SYDE1: variants seen among roughly 807,000 people sequenced by gnomAD.
The protein encoded by SYDE1 is rho GTPase-activating protein SYDE1.
A neutral mutation model predicts 63.3 loss-of-function variants in SYDE1; 34 were observed. That is an observed-to-expected ratio of 0.54 (90% CI 0.41 to 0.71). The LOEUF (loss-of-function observed/expected upper bound fraction) is 0.71. SYDE1 is among the 30% of genes least tolerant of loss of function. SYDE1 has a pLI of 0.00. For missense variants in SYDE1, 925 were observed against 1,042.5 expected (o/e 0.89, Z 1.55); for synonymous variants, 467 against 473.4 (o/e 0.99, Z 0.18).
Position 15,111,719 on chromosome 19 carries a change from AC to A in SYDE1, c.1511del (p.Pro504GlnfsTer26). On this transcript the variant is annotated frameshift_variant, in exon 6 of 8. Coordinates refer to ENST00000342784, the MANE Select transcript of SYDE1 (RefSeq NM_033025.6). LOFTEE classifies it high-confidence loss of function. The surrounding 1 kb of genome is among the most constrained non-coding windows in gnomAD (Gnocchi z 5.5). Reference sequence around the variant, plus strand: ...GTGGTACTGGAGGCCATGGCCCGGGACCCCCCAAACAGAGTTCCCCCCACCA... The same window carrying A: ...GTGGTACTGGAGGCCATGGCCCGGGACCCCCAAACAGAGTTCCCCCCACCA... ...YKVVLEAMARDPPNRVPPTTE... is the reference protein window; with the variant it reads ...YKVVLEAMARXPPNRVPPTTE... The A allele has an allele frequency of 2.0e-6, 2 of 1,002,838 alleles. No homozygotes were observed. The highest frequency in any genetic ancestry group is 1.5e-6 in the Non-Finnish European group (1 of 681,914). The allele number at this position is 1,002,838 out of a possible 1,614,324, so 62.1% of individuals were successfully genotyped here.
rs1452698631 is a variant in SYDE1, at chr19:15,109,946, C to T, written c.673C>T (p.Pro225Ser). The T allele has an allele frequency of 1.4e-6, 2 of 1,464,276 alleles. No homozygotes were observed. The highest frequency in any genetic ancestry group is 3.0e-5 in the African/African-American group (2 of 67,766). The allele number at this position is 1,464,276 out of a possible 1,614,324, so 90.7% of individuals were successfully genotyped here. The change falls in exon 3 of 8, where the codon CCG becomes TCG. Residue 225 changes from proline (P) to serine (S), a missense_variant. Coordinates refer to ENST00000342784, the MANE Select transcript of SYDE1 (RefSeq NM_033025.6). The surrounding 1 kb of genome is among the most constrained non-coding windows in gnomAD (Gnocchi z 5.0). ...PAAGPGGTRSPRAGYLSDGDS... is the reference protein window; with the variant it reads ...PAAGPGGTRSSRAGYLSDGDS... Reference sequence around the variant, plus strand: ...AGCAGGGCCTGGGGGCACCCGGAGCCCGAGGGCCGGTTACCTCAGCGACGG... The same window carrying T: ...AGCAGGGCCTGGGGGCACCCGGAGCTCGAGGGCCGGTTACCTCAGCGACGG...
Position 15,109,515 on chromosome 19 carries a change from C to A in SYDE1, c.430+118C>A. The A allele has an allele frequency of 7.9e-7, 1 of 1,265,622 alleles. No homozygotes were observed. Among genetic ancestry groups the A allele is most frequent in the Non-Finnish European group, 1.1e-6 (1 of 936,352 alleles). 78.4% of individuals were successfully genotyped at this position (1,265,622 alleles called of 1,614,324 possible). On this transcript the variant is annotated intron_variant, in intron 2 of 7. Coordinates refer to ENST00000342784, the MANE Select transcript of SYDE1 (RefSeq NM_033025.6). The surrounding 1 kb of genome is among the most constrained non-coding windows in gnomAD (Gnocchi z 5.0). ...CCAGAGGAGCACCAACCTCACACTCCTTCCCTTCAGGGGAGCACCAGCCTC... is the reference window on the plus strand; with the variant it reads ...CCAGAGGAGCACCAACCTCACACTCATTCCCTTCAGGGGAGCACCAGCCTC...
At position 15,110,265 on chromosome 19, in the gene SYDE1, C is replaced by G; in HGVS notation, c.992C>G (p.Ala331Gly). The G allele has an allele frequency of 7.1e-7, 1 of 1,417,898 alleles. No individual in the cohort carries two copies. Among genetic ancestry groups the G allele is most frequent in the Non-Finnish European group, 9.2e-7 (1 of 1,088,824 alleles). 87.8% of individuals were successfully genotyped at this position (1,417,898 alleles called of 1,614,324 possible). ...CTGGAGGCCGCCAGGCTCCTGCGCGCCCTGGTGCTTGCGTGGGACCCTGGC... is the reference window on the plus strand; with the variant it reads ...CTGGAGGCCGCCAGGCTCCTGCGCGGCCTGGTGCTTGCGTGGGACCCTGGC... ...LELEAARLLRALVLAWDPGVR... is the reference protein window; with the variant it reads ...LELEAARLLRGLVLAWDPGVR... The change falls in exon 3 of 8, where the codon GCC (alanine) becomes GGC (glycine). Residue 331 changes from alanine (A) to glycine (G), a missense_variant. This residue lies in a region of SYDE1 where 599 missense variants were observed against 653.7 expected (regional missense o/e 0.92). Coordinates refer to ENST00000342784, the MANE Select transcript of SYDE1 (RefSeq NM_033025.6). This position sits in a 1 kb window ranked among gnomAD's most constrained non-coding sequence, Gnocchi z 6.9.
Position 15,107,414 on chromosome 19 carries a change from G to C in SYDE1, c.-20G>C, listed in dbSNP as rs548701237. On this transcript the variant is annotated 5_prime_UTR_variant, in exon 1 of 8. Coordinates refer to ENST00000342784, the MANE Select transcript of SYDE1 (RefSeq NM_033025.6). ...GGAGCCCGGGGCGCGCACTCGGCTC[G>C]GCCCGGCCCGGGCCGCAGCATGGCC... 28 of 1,197,644 alleles carry C rather than the reference G, an allele frequency of 2.3e-5. No individual in the cohort carries two copies. Among genetic ancestry groups the C allele is most frequent in the Admixed American group, 1.3e-4 (4 of 30,836 alleles). The allele number at this position is 1,197,644 out of a possible 1,614,324, so 74.2% of individuals were successfully genotyped here.
chr19:15,109,646 C>G lies in SYDE1; in HGVS notation c.431-58C>G. 1 of 1,072,004 alleles carries G rather than the reference C, an allele frequency of 9.3e-7. No individual in the cohort carries two copies. Among genetic ancestry groups the G allele is most frequent in the Non-Finnish European group, 1.3e-6 (1 of 765,386 alleles). The allele number at this position is 1,072,004 out of a possible 1,614,324, so 66.4% of individuals were successfully genotyped here. The stretch of plus-strand genomic sequence containing the variant: ...CTCCTTCCCTTCAGGGGAGCACCAG[C>G]CTCACCCCCCTCCCCTAAGCCCAGG... On this transcript the variant is annotated intron_variant, in intron 2 of 7. Coordinates refer to ENST00000342784, the MANE Select transcript of SYDE1 (RefSeq NM_033025.6). This position sits in a 1 kb window ranked among gnomAD's most constrained non-coding sequence, Gnocchi z 5.0.
Position 15,113,829 on chromosome 19 carries a change from G to A in SYDE1, c.2074G>A (p.Glu692Lys). The change falls in exon 8 of 8, where the codon GAG (glutamate) becomes AAG (lysine). Residue 692 changes from glutamate (E) to lysine (K), a missense_variant. Around this residue, in one of 3 missense-constraint regions of SYDE1, gnomAD observed 255 missense variants for 255.9 expected, o/e 1.00. Coordinates refer to ENST00000342784, the MANE Select transcript of SYDE1 (RefSeq NM_033025.6). ...CGAGGACGAGGACGAGGAGGTCGGC[G>A]AGCCGAGGGTCACCGGTGACTTCGA... ...DSEDEDEEVG[E>K]PRVTGDFEDD... 2 of 1,614,190 alleles carry A rather than the reference G, an allele frequency of 1.2e-6. No homozygotes were observed. The highest frequency in any genetic ancestry group is 2.2e-5 in the South Asian group (2 of 91,090).
Position 15,114,022 on chromosome 19 carries a change from G to A in SYDE1, c.*59G>A. The A allele has an allele frequency of 6.6e-7, 1 of 1,522,434 alleles. No individual in the cohort carries two copies. Among genetic ancestry groups the A allele is most frequent in the Non-Finnish European group, 8.9e-7 (1 of 1,126,304 alleles). The allele number at this position is 1,522,434 out of a possible 1,614,324, so 94.3% of individuals were successfully genotyped here. The stretch of plus-strand genomic sequence containing the variant: ...GACCGGGCGCCCAGTGGCTAAGGCG[G>A]TGCCCTGGTGACCAAGGAGAGCCAG... On this transcript the variant is annotated 3_prime_UTR_variant, in exon 8 of 8. Transcript: ENST00000342784.
chr19:15,109,647 C>A lies in SYDE1; in HGVS notation c.431-57C>A. 1.8e-6 allele frequency: 2 copies of A among 1,094,460 alleles called. No homozygotes were observed. The highest frequency in any genetic ancestry group is 1.6e-5 in the South Asian group (1 of 60,966). 67.8% of individuals were successfully genotyped at this position (1,094,460 alleles called of 1,614,324 possible). A position where few individuals can be genotyped will look rare whatever the true frequency, so the allele number is the denominator to read the frequency against. On this transcript the variant is annotated intron_variant, in intron 2 of 7. Transcript: ENST00000342784. This position sits in a 1 kb window ranked among gnomAD's most constrained non-coding sequence, Gnocchi z 5.0. Reference sequence around the variant, plus strand: ...TCCTTCCCTTCAGGGGAGCACCAGCCTCACCCCCCTCCCCTAAGCCCAGGT... The same window carrying A: ...TCCTTCCCTTCAGGGGAGCACCAGCATCACCCCCCTCCCCTAAGCCCAGGT...
chr19:15,110,706 G>C lies in SYDE1; in HGVS notation c.1261G>C (p.Val421Leu), dbSNP rs1239698803. The change falls in exon 4 of 8, where the codon GTT (valine) becomes CTT (leucine). Residue 421 changes from valine (V) to leucine (L), a missense_variant. Coordinates refer to ENST00000342784, the MANE Select transcript of SYDE1 (RefSeq NM_033025.6). The surrounding 1 kb of genome is among the most constrained non-coding windows in gnomAD (Gnocchi z 6.9). ...GGTGCCCCTCATCATCCAGAAGTGC[G>C]TTGGGCAGATCGAGCGCCGAGGGCT... ...GQVPLIIQKC[V>L]GQIERRGLRV... 2.5e-6 allele frequency: 4 copies of C among 1,577,266 alleles called. No homozygotes were observed. In the Admixed American group the frequency reaches 5.4e-5, roughly 21 times the overall value.
At position 15,113,710 on chromosome 19, in the gene SYDE1, C is replaced by G; in HGVS notation, c.1955C>G (p.Ala652Gly). ...GPESPPSNRY[A>G]GDWSVCGRDF... ...GAAAGCCCCCCGAGCAACCGCTACG[C>G]CGGCGACTGGAGCGTTTGCGGGCGG... The change falls in exon 8 of 8, where the codon GCC becomes GGC. Residue 652 changes from alanine to glycine, a missense_variant. By Grantham distance (60) the Ala-to-Gly change is moderately conservative. Transcript: ENST00000342784. 1 of 1,613,556 alleles carries G rather than the reference C, an allele frequency of 6.2e-7. No homozygotes were observed. Among genetic ancestry groups the G allele is most frequent in the Non-Finnish European group, 8.5e-7 (1 of 1,179,842 alleles).
In SYDE1 at chr19:15,110,423, G is replaced by C. The variant is rs955093094; in HGVS notation, c.1075+75G>C. The C allele has an allele frequency of 6.8e-7, 1 of 1,472,816 alleles. No homozygotes were observed. The highest frequency in any genetic ancestry group is 9.0e-7 in the Non-Finnish European group (1 of 1,108,112). The allele number at this position is 1,472,816 out of a possible 1,614,324, so 91.2% of individuals were successfully genotyped here. A position where few individuals can be genotyped will look rare whatever the true frequency, so the allele number is the denominator to read the frequency against. On this transcript the variant is annotated intron_variant, in intron 3 of 7. Transcript: ENST00000342784. The surrounding 1 kb of genome is among the most constrained non-coding windows in gnomAD (Gnocchi z 6.9). ...CCGCCACCCCCCGCAGAGTGCCTAGGGGGCTGGGCTCCGGGCGGAAGGTGT... is the reference window on the plus strand; with the variant it reads ...CCGCCACCCCCCGCAGAGTGCCTAGCGGGCTGGGCTCCGGGCGGAAGGTGT...
At position 15,114,799 on chromosome 19, in the gene SYDE1, G is replaced by A; in HGVS notation, c.*836G>A. 3.7e-6 allele frequency: 1 copy of A among 271,294 alleles called. No individual in the cohort carries two copies. Among genetic ancestry groups the A allele is most frequent in the Non-Finnish European group, 7.2e-6 (1 of 138,376 alleles). The allele number at this position is 271,294 out of a possible 1,614,324, so 16.8% of individuals were successfully genotyped here. ...GACACGTCTGAAGCAGGCGTGTGGG[G>A]CTCTTTCAGGGACCACAGAGGAGGG... On this transcript the variant is annotated 3_prime_UTR_variant, in exon 8 of 8. Transcript: ENST00000342784.
rs984953523 is a variant in SYDE1, at chr19:15,108,004, G to T, written c.88+483G>T. Among the ~76,000 whole-genome samples, 2 of 152,150 alleles carry T rather than the reference G, an allele frequency of 1.3e-5. No homozygotes were observed. Among genetic ancestry groups the T allele is most frequent in the African/African-American group, 4.8e-5 (2 of 41,426 alleles). On this transcript the variant is annotated intron_variant, in intron 1 of 7. Coordinates refer to ENST00000342784, the MANE Select transcript of SYDE1 (RefSeq NM_033025.6). This position sits in a 1 kb window ranked among gnomAD's most constrained non-coding sequence, Gnocchi z 4.3. ...CCGCCTCCCACCTACTAACAGTGAC[G>T]GCAACTGCGCCTGCCTTAGCCCCAG...
intron 7 of SYDE1, among the ~76,000 whole-genome samples, chr19:15,113,194 C>A (rs1349127182): frequency 6.6e-6 from 1 of 151,958 alleles, no homozygotes; most frequent in East Asian, 1.9e-4. Flanking sequence ...CATGCACTAC[C>A]AATCCTAGCT....
chr19:15,112,446 T>C lies in SYDE1; in HGVS notation c.1679T>C (p.Val560Ala), dbSNP rs775763724. The C allele has an allele frequency of 1.2e-6, 2 of 1,602,966 alleles. No individual in the cohort carries two copies. Among genetic ancestry groups the C allele is most frequent in the Non-Finnish European group, 1.7e-6 (2 of 1,175,262 alleles). ...AACTTGGCCGTGTGCTTCGGGCCTG[T>C]GCTGCTGCCGGCACGCCAGGCGCCC... Reference protein sequence around the residue: ...PQNLAVCFGPVLLPARQAPTR... With the variant: ...PQNLAVCFGPALLPARQAPTR... Residue 560 changes from valine (V) to alanine (A), a missense_variant, in exon 7 of 8, where the codon GTG becomes GCG. Around this residue, in one of 3 missense-constraint regions of SYDE1, gnomAD observed 255 missense variants for 255.9 expected, o/e 1.00. Coordinates refer to ENST00000342784, the MANE Select transcript of SYDE1 (RefSeq NM_033025.6).
rs1282311989 is a variant in SYDE1 at position 15,113,735 on chromosome 19, G to A, written c.1980G>A (p.Arg660=). 6.2e-7 allele frequency: 1 copy of A among 1,613,576 alleles called. No individual in the cohort carries two copies. The highest frequency in any genetic ancestry group is 1.7e-5 in the Admixed American group (1 of 59,990). The change falls in exon 8 of 8, where the codon CGG becomes CGA. Residue 660 remains arginine (R), a synonymous_variant. Coordinates refer to ENST00000342784, the MANE Select transcript of SYDE1 (RefSeq NM_033025.6). ...CCGGCGACTGGAGCGTTTGCGGGCG[G>A]GACTTCCTGCCCTGTGGGCGGGATT... ...RYAGDWSVCG[R]DFLPCGRDFL... is the part of the protein sequence containing the mutation.
At position 15,114,130 on chromosome 19, in the gene SYDE1, T is replaced by A. The variant is rs950434710; in HGVS notation, c.*167T>A. 1.5e-5 allele frequency: 10 copies of A among 665,928 alleles called. No homozygotes were observed. The highest frequency in any genetic ancestry group is 2.5e-5 in the Non-Finnish European group (10 of 397,408). 41.3% of individuals were successfully genotyped at this position (665,928 alleles called of 1,614,324 possible). On this transcript the variant is annotated 3_prime_UTR_variant, in exon 8 of 8. Transcript: ENST00000342784. ...TGTATGGCTGAGACTCATTCCCAGT[T>A]TCCAGGGCCCGGTATTTGGACACTA...
At position 15,110,409 on chromosome 19, in the gene SYDE1, C is replaced by G. The variant is rs1413001353; in HGVS notation, c.1075+61C>G. ...ACCCCCAAACCCCACCGCCACCCCC[C>G]GCAGAGTGCCTAGGGGGCTGGGCTC... On this transcript the variant is annotated intron_variant, in intron 3 of 7. Transcript: ENST00000342784. The surrounding 1 kb of genome is among the most constrained non-coding windows in gnomAD (Gnocchi z 6.9). 7 of 1,452,940 alleles carry G rather than the reference C, an allele frequency of 4.8e-6. No individual in the cohort carries two copies. Among genetic ancestry groups the G allele is most frequent in the Middle Eastern group, 1.8e-4 (1 of 5,524 alleles). 90.0% of individuals were successfully genotyped at this position (1,452,940 alleles called of 1,614,324 possible).
Position 15,114,182 on chromosome 19 carries a change from T to C in SYDE1, c.*219T>C, listed in dbSNP as rs2046367475. 5.4e-6 allele frequency: 3 copies of C among 558,590 alleles called. No individual in the cohort carries two copies. In the East Asian group the frequency reaches 9.2e-5, roughly 17 times the overall value. The allele number at this position is 558,590 out of a possible 1,614,324, so 34.6% of individuals were successfully genotyped here. A position where few individuals can be genotyped will look rare whatever the true frequency, so the allele number is the denominator to read the frequency against. On this transcript the variant is annotated 3_prime_UTR_variant, in exon 8 of 8. Transcript: ENST00000342784. Reference sequence around the variant, plus strand: ...TTGCCAAGTCTGGGGCCTGGGGATTTTAGGGACCAGCGGTTGTGACCATCT... The same window carrying C: ...TTGCCAAGTCTGGGGCCTGGGGATTCTAGGGACCAGCGGTTGTGACCATCT...
Sources: allele counts gnomAD v4.1 joint callset (sites outside exome capture counted in the v4.1 genomes callset), GRCh38; gene constraint gnomAD v4.1.1; regional missense constraint gnomAD v4.1.1; non-coding constraint Gnocchi (gnomAD v3.1); transcripts MANE v1.5; gene names NCBI Gene and HGNC (gene_info 2026-07-23, HGNC 2026-07-21).